SLC25A26: variants seen among roughly 807,000 people sequenced by gnomAD.
The protein encoded by SLC25A26 is solute carrier family 25 member 26, also known as mitochondrial S-adenosylmethionine carrier protein.
In SLC25A26, 36 loss-of-function variants were observed where a neutral mutation model predicts 37.8. The observed-to-expected ratio is 0.95, with a 90% confidence interval of 0.73 to 1.26. The LOEUF is 1.26. SLC25A26 is among the 50% of genes most tolerant of loss of function. SLC25A26 has a pLI of 0.00. For synonymous variants in SLC25A26, 129 were observed against 122.5 expected, an observed-to-expected ratio of 1.05 and a Z score of -0.35; for missense variants, 390 against 331.1, an observed-to-expected ratio of 1.18 and a Z score of -1.38.
chr3:66,203,747 A>T (rs1393749761), intron 1 of SLC25A26, among the ~76,000 whole-genome samples: 1 of 152,198 alleles, frequency 6.6e-6, no homozygotes, highest in Non-Finnish European at 1.5e-5. Flanking sequence ...TTACATCCAG[A>T]ATATTTACTG....
At chr3:66,214,939 C>G (rs1315823853) in intron 1 of SLC25A26, among the ~76,000 whole-genome samples, 1 of 152,036 alleles carries the variant, frequency 6.6e-6, no homozygotes, top group African/African-American at 2.4e-5. Flanking sequence ...ACCAGCCTGG[C>G]CAACGTGCTG....
At chr3:66,311,467 A>T (rs1036798732) in intron 5 of SLC25A26, among the ~76,000 whole-genome samples, 9 of 151,800 alleles carry the variant, frequency 5.9e-5, no homozygotes, top group African/African-American at 2.2e-4. Flanking sequence ...GTTTGTTATT[A>T]CCCACCTTCT....
At chr3:66,355,825 T>C (rs2076561373) in intron 6 of SLC25A26, among the ~76,000 whole-genome samples, 1 of 152,234 alleles carries the variant, frequency 6.6e-6, no homozygotes, top group African/African-American at 2.4e-5. Flanking sequence ...TATAAACTTC[T>C]GGTGGTAAAC....
chr3:66,243,860 G>A (rs2072703788), intron 3 of SLC25A26, among the ~76,000 whole-genome samples: 1 of 152,166 alleles, frequency 6.6e-6, no homozygotes, highest in Non-Finnish European at 1.5e-5. Context: ...GCTCCCACTG[G>A]TTCTTTTCCA....
intron 5 of SLC25A26, among the ~76,000 whole-genome samples, chr3:66,298,982 A>T (rs951165339): frequency 6.6e-6 from 1 of 152,218 alleles, no homozygotes; most frequent in African/African-American, 2.4e-5. Context: ...TGAAGGTGCC[A>T]TCTAAAAACT....
chr3:66,240,736 C>CCTTTT (rs782763464), intron 2 of SLC25A26, among the ~76,000 whole-genome samples: 6 of 142,360 alleles, frequency 4.2e-5, no homozygotes, highest in African/African-American at 1.7e-4. Flanking sequence ...ACAGGGCTAG[C>CCTTTT]CTTTTCTTTT....
In SLC25A26 at chr3:66,349,115, T is replaced by A. The variant is rs115446332; in HGVS notation, c.498+2707T>A. On this transcript the variant is annotated intron_variant, in intron 6 of 9. Transcript: ENST00000354883. The stretch of plus-strand genomic sequence containing the variant: ...TATTTCTTTTCAATATTAAGGACAT[T>A]TGTAGAATTCTAGCTAGTTAAGAAA... 2.5e-3 allele frequency among the ~76,000 whole-genome samples: 384 copies of A among 152,344 alleles called. 2 individuals carry two copies. Among genetic ancestry groups the A allele is most frequent in the African/African-American group, 9.1e-3 (377 of 41,570 alleles).
intron 1 of SLC25A26, among the ~76,000 whole-genome samples, chr3:66,228,110 G>C (rs1000429022): frequency 1.3e-5 from 2 of 152,090 alleles, no homozygotes; most frequent in Non-Finnish European, 2.9e-5. Flanking sequence ...TTGCTTTTGT[G>C]TTGAGCAAGA....
intron 5 of SLC25A26, among the ~76,000 whole-genome samples, chr3:66,313,378 T>A (rs2075438546): frequency 6.6e-6 from 1 of 152,168 alleles, no homozygotes; most frequent in Non-Finnish European, 1.5e-5. Flanking sequence ...AAATAGGGAA[T>A]CCTTTCCCCA....
chr3:66,263,319 GTGTT>G lies in SLC25A26; in HGVS notation c.406-7_406-4del. On this transcript the variant is annotated splice_polypyrimidine_tract_variant and intron_variant, in intron 4 of 9. Transcript: ENST00000354883. ...CCATTCTTTCTGAACTCTCGGCTGTGTGTTTGTTTCAGGGTATCCAAGGGTTGTA... is the reference window on the plus strand; with the variant it reads ...CCATTCTTTCTGAACTCTCGGCTGTGTGTTTCAGGGTATCCAAGGGTTGTA... 6.2e-7 allele frequency: 1 copy of G among 1,608,958 alleles called. No individual in the cohort carries two copies. The highest frequency in any genetic ancestry group is 8.5e-7 in the Non-Finnish European group (1 of 1,176,190).
intron 5 of SLC25A26, among the ~76,000 whole-genome samples, chr3:66,336,274 A>G (rs1034719263): frequency 1.4e-4 from 21 of 152,134 alleles, no homozygotes; most frequent in African/African-American, 4.8e-4. Flanking sequence ...AATAAAATCT[A>G]CCTTTTATTG....
rs1224075955 is a variant in SLC25A26, at chr3:66,208,974, G to GTGTGTATA, written c.-353-11767_-353-11766insGTGTATAT. 6.7e-3 allele frequency among the ~76,000 whole-genome samples: 554 copies of GTGTGTATA among 83,116 alleles called. 24 individuals are homozygous for GTGTGTATA. The highest frequency in any genetic ancestry group is 0.028 in the African/African-American group (532 of 18,690). The allele number at this position is 83,116 out of a possible 152,430, so 54.5% of individuals were successfully genotyped here. On this transcript the variant is annotated intron_variant, in intron 1 of 10. Coordinates refer to the SLC25A26 transcript ENST00000676754. ...TATATATATACCCATATAAAGGTGT[G>GTGTGTATA]TATATATATATATATTTATGTACCC... is the stretch of plus-strand genomic sequence containing the variant.
intron 1 of SLC25A26, among the ~76,000 whole-genome samples, chr3:66,209,095 T>C (rs1228283733): frequency 0.015 from 791 of 51,570 alleles, 39 homozygotes; most frequent in African/African-American, 0.094. Flanking sequence ...AAGATGTATA[T>C]ATATATATAT....
intron 1 of SLC25A26, among the ~76,000 whole-genome samples, chr3:66,192,560 A>G (rs1417063955): frequency 2.0e-5 from 3 of 152,180 alleles, no homozygotes; most frequent in Non-Finnish European, 2.9e-5. Context: ...GACTAACGCA[A>G]CAGAGCAAAG....
intron 1 of SLC25A26, among the ~76,000 whole-genome samples, chr3:66,209,592 T>C (rs2071246567): frequency 7.2e-6 from 1 of 138,620 alleles, no homozygotes; most frequent in Non-Finnish European, 1.5e-5. Flanking sequence ...TAGGCATATA[T>C]ATATAAAAGG....
At chr3:66,207,934 G>A (rs1178041767) in intron 1 of SLC25A26, among the ~76,000 whole-genome samples, 1 of 152,078 alleles carries the variant, frequency 6.6e-6, no homozygotes, top group Non-Finnish European at 1.5e-5. Flanking sequence ...GCATTCTTGT[G>A]GGTTAAATAT....
chr3:66,335,040 T>A (rs2076063484), intron 5 of SLC25A26, among the ~76,000 whole-genome samples: 1 of 152,240 alleles, frequency 6.6e-6, no homozygotes, highest in Non-Finnish European at 1.5e-5. Context: ...GGTCAAACAC[T>A]GATTACTTGT....
chr3:66,170,732 C>T (rs1018794685), intron 1 of SLC25A26, among the ~76,000 whole-genome samples: 2 of 150,380 alleles, frequency 1.3e-5, no homozygotes, highest in Non-Finnish European at 3.0e-5. Flanking sequence ...CACATAGTGC[C>T]GGACACATGT....
At chr3:66,286,311 A>C (rs1030270982) in intron 5 of SLC25A26, among the ~76,000 whole-genome samples, 6 of 152,184 alleles carry the variant, frequency 3.9e-5, no homozygotes, top group African/African-American at 1.4e-4. Context: ...TTCTTCTAAA[A>C]GTTTTATAGC....
Sources: gnomAD v4.1 joint callset for allele counts (sites outside exome capture counted in the v4.1 genomes callset) on GRCh38, gnomAD v4.1.1 for gene constraint, MANE v1.5 for transcripts, NCBI Gene and HGNC (gene_info 2026-07-23, HGNC 2026-07-21) for gene names.